Variants in IPO11 observed in about 807,000 individuals in gnomAD.
The protein encoded by IPO11 is importin-11.
In IPO11, 66 loss-of-function variants were observed where a neutral mutation model predicts 143.2. That is an observed-to-expected ratio of 0.46 (90% CI 0.38 to 0.57). The LOEUF is 0.57. Ranked by LOEUF, IPO11 falls within the 20% of genes least tolerant of loss-of-function variation. The pLI, the probability that IPO11 is intolerant of heterozygous loss-of-function variation, is 0.00. For synonymous variants in IPO11, 385 were observed against 377.8 expected (o/e 1.02, Z -0.22); for missense variants, 1,026 against 1,141.0 (o/e 0.90, Z 1.45).
At chr5:62,416,169 TTTTTTTTCTTTTC>T (rs1416878905) in intron 1 of IPO11, among the ~76,000 whole-genome samples, 2 of 148,978 alleles carry the variant, frequency 1.3e-5, no homozygotes, top group East Asian at 4.0e-4. Context: ...TCTGTTTTCT[TTTTTTTTCTTTTC>T]TTTTTTTTTT....
At chr5:62,531,655 A>G (rs191798815) in intron 22 of IPO11, among the ~76,000 whole-genome samples, 3 of 152,342 alleles carry the variant, frequency 2.0e-5, no homozygotes, top group Non-Finnish European at 4.4e-5. Flanking sequence ...TGGAAAAAAT[A>G]GACTCACTCT....
chr5:62,602,896 CTCA>C (rs965966798), intron 29 of IPO11, among the ~76,000 whole-genome samples: 2 of 152,108 alleles, frequency 1.3e-5, no homozygotes, highest in Non-Finnish European at 2.9e-5. Context: ...ATCCGTTTGC[CTCA>C]TCTGTGAAAA....
intron 29 of IPO11, among the ~76,000 whole-genome samples, chr5:62,625,984 G>C (rs1746553003): frequency 6.6e-6 from 1 of 151,930 alleles, no homozygotes; most frequent in African/African-American, 2.4e-5. Flanking sequence ...CCCTCACCCA[G>C]TTTTTCCTAA....
At chr5:62,523,852 A>T (rs561949666) in intron 20 of IPO11, among the ~76,000 whole-genome samples, 14 of 152,298 alleles carry the variant, frequency 9.2e-5, no homozygotes, top group Non-Finnish European at 1.9e-4. Context: ...TTCATGGGAC[A>T]TGAGAAGACA....
At chr5:62,507,856 C>T (rs572725985) in intron 19 of IPO11, among the ~76,000 whole-genome samples, 30 of 152,180 alleles carry the variant, frequency 2.0e-4, no homozygotes, top group Admixed American at 9.8e-4. Context: ...ACTCATCTTT[C>T]GGAGCACAAA....
At chr5:62,613,610 T>C (rs897661949) in intron 29 of IPO11, among the ~76,000 whole-genome samples, 1 of 152,098 alleles carries the variant, frequency 6.6e-6, no homozygotes, top group African/African-American at 2.4e-5. Context: ...GCACACATGC[T>C]CTTCTTAAAA....
intron 29 of IPO11, among the ~76,000 whole-genome samples, chr5:62,604,616 A>G (rs1745634543): frequency 6.6e-6 from 1 of 152,146 alleles, no homozygotes; most frequent in South Asian, 2.1e-4. Context: ...CCCCCACTTT[A>G]TCATTCTAAT....
intron 26 of IPO11, among the ~76,000 whole-genome samples, chr5:62,559,938 A>C: frequency 7.1e-6 from 1 of 141,252 alleles, no homozygotes; most frequent in Non-Finnish European, 1.6e-5. Flanking sequence ...AAAAAAAAAA[A>C]AAAAGAGAGA....
chr5:62,454,154 A>G (rs1385116153), intron 5 of IPO11, among the ~76,000 whole-genome samples: 2 of 152,126 alleles, frequency 1.3e-5, no homozygotes, highest in Admixed American at 6.5e-5. Context: ...ATAAATAAAT[A>G]AATAGCCAGT....
chr5:62,559,902 CTG>C (rs1743709773), intron 26 of IPO11, among the ~76,000 whole-genome samples: 2 of 88,038 alleles, frequency 2.3e-5, no homozygotes, highest in South Asian at 8.1e-4. Context: ...GGCAACAAGA[CTG>C]AAACTCTGTC....
chr5:62,476,656 C>A (rs375636709), intron 8 of IPO11, 27 bp from the exon 9 acceptor site: 1 of 1,499,398 alleles, frequency 6.7e-7, no homozygotes, highest in South Asian at 1.3e-5. Flanking sequence ...TTATTAACTT[C>A]TAATATTTGA....
intron 27 of IPO11, among the ~76,000 whole-genome samples, chr5:62,572,021 A>AAAG (rs1215785535): frequency 6.6e-6 from 1 of 152,146 alleles, no homozygotes; most frequent in African/African-American, 2.4e-5. Context: ...CAAGACTAAT[A>AAAG]AAGGCTAATT....
chr5:62,528,307 A>G (rs1742431694), intron 21 of IPO11, among the ~76,000 whole-genome samples: 1 of 152,216 alleles, frequency 6.6e-6, no homozygotes, highest in South Asian at 2.1e-4. Flanking sequence ...GAATTTGGCC[A>G]CATGAAGATG....
At chr5:62,491,160 G>T (rs1425663073) in intron 15 of IPO11, among the ~76,000 whole-genome samples, 1 of 152,158 alleles carries the variant, frequency 6.6e-6, no homozygotes, top group African/African-American at 2.4e-5. Context: ...GTCATAGATA[G>T]TTAATATTTG....
intron 29 of IPO11, among the ~76,000 whole-genome samples, chr5:62,621,523 G>T (rs1043527021): frequency 6.6e-6 from 1 of 152,114 alleles, no homozygotes; most frequent in Non-Finnish European, 1.5e-5. Flanking sequence ...TCCCAGACCT[G>T]CAGTCCGTTT....
intron 20 of IPO11, 117 bp downstream of exon 20, chr5:62,515,618 C>T (rs1741986430): frequency 1.7e-6 from 1 of 588,434 alleles, no homozygotes; most frequent in Non-Finnish European, 2.8e-6. Context: ...CTTCACATAT[C>T]TTTTATTTTT....
intron 29 of IPO11, among the ~76,000 whole-genome samples, chr5:62,622,161 C>T (rs189526280): frequency 3.9e-5 from 6 of 152,168 alleles, no homozygotes; most frequent in African/African-American, 1.4e-4. Context: ...GGTTAGGCCT[C>T]AAAACGCTTG....
Position 62,421,418 on chromosome 5 carries a change from T to A in IPO11, c.-7+8489T>A, listed in dbSNP as rs940485587. Among the ~76,000 whole-genome samples the A allele has an allele frequency of 3.3e-5, 5 of 152,236 alleles. No homozygotes were observed. The East Asian group carries it at 9.6e-4, about 29-fold the overall frequency. ...GGCTGTGAACTTGATGTATTTTTGT[T>A]CTTTCTCAAGTCTAAAGCTAAAAAT... On this transcript the variant is annotated intron_variant, in intron 1 of 29. Transcript: ENST00000325324.
intron 19 of IPO11, among the ~76,000 whole-genome samples, chr5:62,514,900 C>T (rs1185970362): frequency 6.6e-6 from 1 of 151,868 alleles, no homozygotes; most frequent in Admixed American, 6.6e-5. Flanking sequence ...CTTGTATACA[C>T]CTTCATCATT....
Sources: allele counts gnomAD v4.1 joint callset (sites outside exome capture counted in the v4.1 genomes callset), GRCh38; gene constraint gnomAD v4.1.1; transcripts MANE v1.5; gene names NCBI Gene and HGNC (gene_info 2026-07-23, HGNC 2026-07-21).